ABCC12: variants seen among roughly 807,000 people sequenced by gnomAD.
ABCC12 encodes ATP binding cassette subfamily C member 12.
A neutral mutation model predicts 151.1 loss-of-function variants in ABCC12; 142 were observed. The ratio of observed to expected loss-of-function variants is 0.94; its 90% CI spans 0.82 to 1.08. The LOEUF is 1.08. ABCC12 is among the 50% of genes least tolerant of loss of function. ABCC12 has a pLI of 0.00. For synonymous variants in ABCC12, 645 were observed against 646.4 expected (o/e 1.00, Z 0.03); for missense variants, 1,638 against 1,691.1 (o/e 0.97, Z 0.55).
Position 48,083,473 on chromosome 16 carries a change from A to C in ABCC12, c.*242T>G. ...CTTGGGGATTTGGGAGGTGAAGGGC[A>C]GTTTTTTAATCCATTAGCTGGGTCT... On this transcript the variant is annotated 3_prime_UTR_variant, in exon 31 of 31. Coordinates refer to ENST00000311303, the MANE Select transcript of ABCC12 (RefSeq NM_001393797.1). 3 of 473,460 alleles carry C rather than the reference A, an allele frequency of 6.3e-6. No homozygotes were observed. The highest frequency in any genetic ancestry group is 1.1e-5 in the Non-Finnish European group (3 of 272,200). The allele number at this position is 473,460 out of a possible 1,614,324, so 29.3% of individuals were successfully genotyped here. A position where few individuals can be genotyped will look rare whatever the true frequency, so the allele number is the denominator to read the frequency against.
At chr16:48,124,120 G>T in intron 12 of ABCC12, 93 bp downstream of exon 12, 1 of 1,344,574 alleles carries the variant, frequency 7.4e-7, no homozygotes, top group Non-Finnish European at 1.1e-6. Context: ...CAGTGCAGCC[G>T]AGGCCATCTG....
intron 6 of ABCC12, 121 bp from the exon 7 acceptor site, chr16:48,139,457 G>A (rs1316601557): frequency 1.8e-6 from 2 of 1,101,252 alleles, no homozygotes; most frequent in Admixed American, 5.3e-5. Context: ...CTCTAAAGCA[G>A]GAAGGGGTCA....
intron 22 of ABCC12, among the ~76,000 whole-genome samples, chr16:48,101,662 G>T (rs1210146056): frequency 1.3e-5 from 2 of 151,924 alleles, no homozygotes; most frequent in African/African-American, 2.4e-5. Flanking sequence ...AGTCTCATTA[G>T]TGCAGAGCTA....
chr16:48,123,870 T>C (rs1413467264), intron 12 of ABCC12, among the ~76,000 whole-genome samples: 1 of 152,222 alleles, frequency 6.6e-6, no homozygotes, highest in Non-Finnish European at 1.5e-5. Context: ...CACACCAAGC[T>C]GCCTTGCTGG....
rs1272434266 is a variant in ABCC12 at position 48,108,520 on chromosome 16, T to C, written c.2291A>G (p.His764Arg). The C allele has an allele frequency of 1.2e-6, 2 of 1,613,912 alleles. No homozygotes were observed. The highest frequency in any genetic ancestry group is 2.7e-5 in the African/African-American group (2 of 74,908). Residue 764 changes from histidine (H) to arginine (R), a missense_variant, in exon 19 of 31, where the codon CAC becomes CGC. Physicochemically the swap from His to Arg is conservative, Grantham distance 29 (BLOSUM62 0). Transcript: ENST00000311303. ...SEFVDTKVPE[H>R]QLIQTESPQE... ...GGGGGATTCAGTCTGGATGAGCTGG[T>C]GCTCAGGAACTGTGGAGACAAACAC... is the stretch of plus-strand genomic sequence containing the variant.
rs770897462 is a variant in ABCC12, at chr16:48,112,045, T to C, written c.1990-135A>G. ...TTGTTTGAGGGGGCTGTCCTGTGCA[T>C]TGTAGGATATTTACCACCCTCCCTG... is the stretch of plus-strand genomic sequence containing the variant. On this transcript the variant is annotated intron_variant, in intron 15 of 30. Transcript: ENST00000311303. 6.2e-4 allele frequency: 698 copies of C among 1,133,956 alleles called. 1 individual carries two copies. The Middle Eastern group carries it at 0.01, about 16-fold the overall frequency. The allele number at this position is 1,133,956 out of a possible 1,614,324, so 70.2% of individuals were successfully genotyped here. A position where few individuals can be genotyped will look rare whatever the true frequency, so the allele number is the denominator to read the frequency against.
At position 48,142,950 on chromosome 16, in the gene ABCC12, C is replaced by T. The variant is rs535570184; in HGVS notation, c.275+960G>A. Among the ~76,000 whole-genome samples, 437 of 152,300 alleles carry T rather than the reference C, an allele frequency of 2.9e-3. 1 individual carries two copies. The highest frequency in any genetic ancestry group is 0.01 in the African/African-American group (429 of 41,552). The stretch of plus-strand genomic sequence containing the variant: ...GAGCCACAGTGAGATTTTCATAGTG[C>T]TTGCCTCCAGGGAGTAGAGCAGGAG... On this transcript the variant is annotated intron_variant, in intron 4 of 30. Transcript: ENST00000311303.
intron 24 of ABCC12, among the ~76,000 whole-genome samples, chr16:48,094,915 GA>G (rs1567444960): frequency 6.6e-6 from 1 of 152,114 alleles, no homozygotes; most frequent in East Asian, 1.9e-4. Flanking sequence ...CAGTTCCCCG[GA>G]GTTAAATACT....
intron 27 of ABCC12, 64 bp from the exon 28 acceptor site, chr16:48,086,883 G>T: frequency 7.1e-7 from 1 of 1,406,854 alleles, no homozygotes; most frequent in Non-Finnish European, 1.0e-6. Context: ...TGGATGCGGA[G>T]CAGGTTTTCT....
Position 48,115,514 on chromosome 16 carries a change from CAG to C in ABCC12, c.1888_1889del (p.Leu630ValfsTer13), listed in dbSNP as rs578115360. 1,828 of 1,614,216 alleles carry C rather than the reference CAG, an allele frequency of 1.1e-3. 7 individuals are homozygous for C. The highest frequency in any genetic ancestry group is 1.4e-3 in the Non-Finnish European group (1,704 of 1,180,040). ...DRQLYLLDDP[L>X]SAVDAHVGKH... ...TCCCCACGTGGGCGTCCACGGCCGA[CAG>C]GGGGTCGTCCAGCAGGTAGAGCTGA... is the stretch of plus-strand genomic sequence containing the variant. On this transcript the variant is annotated frameshift_variant, in exon 15 of 31. Transcript: ENST00000311303. LOFTEE classifies it high-confidence loss of function.
chr16:48,152,665 C>G (rs1965132730), intron 2 of ABCC12, among the ~76,000 whole-genome samples: 1 of 152,334 alleles, frequency 6.6e-6, no homozygotes, highest in Non-Finnish European at 1.5e-5. Flanking sequence ...TCTGGCCCAC[C>G]AGATCGGGCC....
intron 11 of ABCC12, among the ~76,000 whole-genome samples, chr16:48,127,367 T>C (rs1964274343): frequency 6.6e-6 from 1 of 152,140 alleles, no homozygotes. Flanking sequence ...AGGCCAAACA[T>C]TCCCTAAACC....
rs373495773 is a variant in ABCC12 at position 48,106,519 on chromosome 16, G to A, written c.2475+803C>T. Among the ~76,000 whole-genome samples, 5 of 152,320 alleles carry A rather than the reference G, an allele frequency of 3.3e-5. No individual in the cohort carries two copies. The Middle Eastern group carries it at 0.01, about 311-fold the overall frequency. On this transcript the variant is annotated intron_variant, in intron 20 of 30. Coordinates refer to ENST00000311303, the MANE Select transcript of ABCC12 (RefSeq NM_001393797.1). ...CAAACCTCGGGCTCTCCAAGGACAGGGCTCTTCGTGAGTGAGGGGGGATCT... is the reference window on the plus strand; with the variant it reads ...CAAACCTCGGGCTCTCCAAGGACAGAGCTCTTCGTGAGTGAGGGGGGATCT...
rs1374565960 is a variant in ABCC12, at chr16:48,082,616, G to A, written c.*1099C>T. ...AAGTACGTGACCAACACTTACAAGG[G>A]AAGTGGGGTGGGGGGTTGTGGTCTG... On this transcript the variant is annotated 3_prime_UTR_variant, in exon 31 of 31. Coordinates refer to ENST00000311303, the MANE Select transcript of ABCC12 (RefSeq NM_001393797.1). Among the ~76,000 whole-genome samples, 1 of 152,202 alleles carries A rather than the reference G, an allele frequency of 6.6e-6. No homozygotes were observed. Among genetic ancestry groups the A allele is most frequent in the Non-Finnish European group, 1.5e-5 (1 of 68,038 alleles).
In ABCC12 at chr16:48,148,964, A is replaced by G. The variant is rs181778074; in HGVS notation, c.-50-2490T>C. 1.2e-4 allele frequency among the ~76,000 whole-genome samples: 18 copies of G among 152,146 alleles called. No homozygotes were observed. The East Asian group carries it at 2.7e-3, about 23-fold the overall frequency. ...CAATACCTAGCATAGTCCCTGGTAC[A>G]TCGGAAATGTTTAATACGTATTTGT... On this transcript the variant is annotated intron_variant, in intron 2 of 30. Coordinates refer to ENST00000311303, the MANE Select transcript of ABCC12 (RefSeq NM_001393797.1).
Position 48,088,698 on chromosome 16 carries a change from C to T in ABCC12, c.3322G>A (p.Gly1108Arg), listed in dbSNP as rs758562521. The T allele has an allele frequency of 1.7e-5, 27 of 1,613,838 alleles. 1 individual carries two copies. In the African/African-American group the frequency reaches 3.3e-4, roughly 20 times the overall value. ...VPECTHPLKV[G>R]TCPKDWPSRG... ...CTGGGCCAGTCCTTGGGACAGGTCC[C>T]CACTTTGAGGGGATGAGTGCATTCA... is the stretch of plus-strand genomic sequence containing the variant. Residue 1108 changes from glycine to arginine, a missense_variant, in exon 26 of 31, where the codon GGG becomes AGG. Physicochemically the swap from Gly to Arg is moderately radical, Grantham distance 125. Coordinates refer to ENST00000311303, the MANE Select transcript of ABCC12 (RefSeq NM_001393797.1).
rs371851225 is a variant in ABCC12, at chr16:48,107,281, G to C, written c.2475+41C>G. On this transcript the variant is annotated intron_variant, in intron 20 of 30. Transcript: ENST00000311303. The stretch of plus-strand genomic sequence containing the variant: ...CTCTGGCAGCAGAGTTTTACTCCAA[G>C]ACACAGACTCGGCATCTTCCAATGC... The C allele has an allele frequency of 3.2e-6, 5 of 1,583,034 alleles. No individual in the cohort carries two copies. The African/African-American group carries it at 6.7e-5, about 21-fold the overall frequency.
At chr16:48,110,148 A>G (rs893741810) in intron 18 of ABCC12, among the ~76,000 whole-genome samples, 2 of 152,330 alleles carry the variant, frequency 1.3e-5, no homozygotes, top group African/African-American at 4.8e-5. Flanking sequence ...CTGGAACTGT[A>G]AAACTATGTT....
chr16:48,145,508 T>A (rs1382831969), intron 3 of ABCC12, among the ~76,000 whole-genome samples: 1 of 152,212 alleles, frequency 6.6e-6, no homozygotes, highest in Non-Finnish European at 1.5e-5. Context: ...GCTCATTCCA[T>A]CAAAAAGTCG....
Sources: allele counts gnomAD v4.1 joint callset (sites outside exome capture counted in the v4.1 genomes callset), GRCh38; gene constraint gnomAD v4.1.1; transcripts MANE v1.5; gene names NCBI Gene and HGNC (gene_info 2026-07-23, HGNC 2026-07-21).